ASTN2: variants seen among roughly 807,000 people sequenced by gnomAD.
ASTN2 encodes the protein astrotactin-2.
ASTN2 carries 54 observed loss-of-function variants against 139.8 expected under a neutral mutation model. The observed-to-expected ratio is 0.39, with a 90% CI of 0.31 to 0.48. The LOEUF is 0.48. Among genes scored for constraint, ASTN2 ranks in the 20% least tolerant of loss-of-function variants. The pLI is 0.95. For missense variants in ASTN2, 1,565 were observed against 1,725.1 expected (o/e 0.91, Z 1.64); for synonymous variants, 756 against 719.5 (o/e 1.05, Z -0.81).
intron 7 of ASTN2, among the ~76,000 whole-genome samples, chr9:117,007,241 A>C (rs951558785): frequency 2.0e-5 from 3 of 152,086 alleles, no homozygotes; most frequent in African/African-American, 7.2e-5. Context: ...TTAGCACTCC[A>C]CATGCTTTGT....
At chr9:117,004,980 T>A (rs762555261) in intron 7 of ASTN2, among the ~76,000 whole-genome samples, 5 of 152,092 alleles carry the variant, frequency 3.3e-5, no homozygotes, top group Non-Finnish European at 4.4e-5. Flanking sequence ...AATAAGATAG[T>A]GTCTCATGGG....
chr9:116,710,548 A>T (rs1828123696), intron 16 of ASTN2, among the ~76,000 whole-genome samples: 1 of 152,032 alleles, frequency 6.6e-6, no homozygotes, highest in Admixed American at 6.6e-5. Flanking sequence ...CCTGACCAAC[A>T]TGGAGAAACC....
chr9:116,574,998 G>A (rs930463996), intron 19 of ASTN2, among the ~76,000 whole-genome samples: 2 of 152,116 alleles, frequency 1.3e-5, no homozygotes. Context: ...TTGTCTTGGT[G>A]TCTCTTGTCC....
intron 16 of ASTN2, among the ~76,000 whole-genome samples, chr9:116,671,956 C>T (rs1440479603): frequency 6.6e-6 from 1 of 152,126 alleles, no homozygotes; most frequent in Non-Finnish European, 1.5e-5. Flanking sequence ...GCTTGGATTC[C>T]TGACTCACAA....
At chr9:117,353,509 C>A (rs904934337) in intron 1 of ASTN2, among the ~76,000 whole-genome samples, 2 of 152,070 alleles carry the variant, frequency 1.3e-5, no homozygotes, top group Non-Finnish European at 2.9e-5. Context: ...ACAGGTTAAA[C>A]TGAAGAGTTG....
intron 1 of ASTN2, among the ~76,000 whole-genome samples, chr9:117,355,918 C>T (rs1374383533): frequency 4.6e-5 from 7 of 152,066 alleles, no homozygotes; most frequent in South Asian, 2.1e-4. Context: ...AAAAATGTTT[C>T]CCCCAGAGAA....
intron 19 of ASTN2, among the ~76,000 whole-genome samples, chr9:116,614,836 C>T (rs995412828): frequency 5.3e-5 from 8 of 152,120 alleles, no homozygotes; most frequent in Non-Finnish European, 7.4e-5. Flanking sequence ...GACTAAAGCA[C>T]CAAAAGCAAT....
intron 1 of ASTN2, among the ~76,000 whole-genome samples, chr9:117,335,570 A>G: frequency 6.6e-6 from 1 of 152,180 alleles, no homozygotes; most frequent in Non-Finnish European, 1.5e-5. Flanking sequence ...TAATTTCCAT[A>G]GTAAGTTAGA....
In ASTN2 at chr9:117,406,400, C is replaced by CA. The variant is rs113766807; in HGVS notation, c.442+8096dup. Among the ~76,000 whole-genome samples the CA allele has an allele frequency of 1.5e-3, 224 of 152,282 alleles. 1 individual carries two copies. Among genetic ancestry groups the CA allele is most frequent in the African/African-American group, 4.9e-3 (203 of 41,568 alleles). On this transcript the variant is annotated intron_variant, in intron 1 of 22. Transcript: ENST00000313400. ...ATTCTACAGAGCTCTTGATTTCACT[C>CA]AGAGTCAAAGCCCAAATCCTGACAG...
At chr9:116,623,409 C>G (rs1402844785) in intron 17 of ASTN2, among the ~76,000 whole-genome samples, 1 of 152,112 alleles carries the variant, frequency 6.6e-6, no homozygotes, top group Admixed American at 6.5e-5. Flanking sequence ...AGAACACAAA[C>G]ACACCCTGAT....
intron 20 of ASTN2, among the ~76,000 whole-genome samples, chr9:116,447,376 T>C (rs890690782): frequency 6.6e-6 from 1 of 152,178 alleles, no homozygotes; most frequent in Non-Finnish European, 1.5e-5. Context: ...TATGTGATTG[T>C]CTTCAGGATC....
At chr9:117,026,571 T>C (rs1016247559) in intron 6 of ASTN2, among the ~76,000 whole-genome samples, 1 of 152,156 alleles carries the variant, frequency 6.6e-6, no homozygotes, top group Non-Finnish European at 1.5e-5. Context: ...TTTTTCTAGC[T>C]CTACAGGAAC....
At chr9:117,105,576 C>T (rs778234475) in intron 4 of ASTN2, among the ~76,000 whole-genome samples, 2 of 152,114 alleles carry the variant, frequency 1.3e-5, no homozygotes, top group Non-Finnish European at 2.9e-5. Flanking sequence ...CTCCTGGAAT[C>T]CGTGAGTATA....
chr9:116,462,231 G>A (rs1166481420), intron 20 of ASTN2, among the ~76,000 whole-genome samples: 1 of 152,102 alleles, frequency 6.6e-6, no homozygotes, highest in Non-Finnish European at 1.5e-5. Context: ...AATGTGCTAG[G>A]AGGCTATCTA....
At chr9:116,831,765 G>A (rs891502103) in intron 11 of ASTN2, among the ~76,000 whole-genome samples, 6 of 152,110 alleles carry the variant, frequency 3.9e-5, no homozygotes, top group South Asian at 2.1e-4. Context: ...TTTGCCGTTC[G>A]TTTAAATTCC....
intron 11 of ASTN2, among the ~76,000 whole-genome samples, chr9:116,823,277 G>C (rs1019075194): frequency 1.3e-5 from 2 of 152,238 alleles, no homozygotes; most frequent in Admixed American, 1.3e-4. Flanking sequence ...CAGTTTGGTG[G>C]TGACAGAGGC....
chr9:117,077,121 GGA>G, intron 5 of ASTN2, among the ~76,000 whole-genome samples: 1 of 152,240 alleles, frequency 6.6e-6, no homozygotes, highest in African/African-American at 2.4e-5. Context: ...AGCAGGCAGG[GGA>G]GAGAGACAGA....
chr9:116,738,003 T>A (rs1828986781), intron 13 of ASTN2, among the ~76,000 whole-genome samples: 1 of 150,318 alleles, frequency 6.7e-6, no homozygotes, highest in South Asian at 2.1e-4. Context: ...CCATCCTGGC[T>A]AACACGGTGA....
At chr9:116,989,898 C>T (rs557494375) in intron 7 of ASTN2, among the ~76,000 whole-genome samples, 18 of 152,224 alleles carry the variant, frequency 1.2e-4, no homozygotes, top group Non-Finnish European at 2.9e-5. Context: ...TGCTTCATCT[C>T]TGTCTCTCTT....
Sources: gnomAD v4.1 joint callset for allele counts (sites outside exome capture counted in the v4.1 genomes callset) on GRCh38, gnomAD v4.1.1 for gene constraint, MANE v1.5 for transcripts, NCBI Gene and HGNC (gene_info 2026-07-23, HGNC 2026-07-21) for gene names.